The following NXPE2 variants were observed in gnomAD, a reference collection of about 807,000 sequenced individuals.
NXPE2 encodes neurexophilin and PC-esterase domain family member 2, also known as NXPE family member 2.
NXPE2 carries 34 observed loss-of-function variants against 34.4 expected under a neutral mutation model. The ratio of observed to expected loss-of-function variants is 0.99; its 90% CI spans 0.75 to 1.31. The LOEUF is 1.31. Ranked by LOEUF, NXPE2 falls within the 40% of genes most tolerant of loss-of-function variation. NXPE2 has a pLI of 0.00. For missense variants in NXPE2, 649 were observed against 672.5 expected, an observed-to-expected ratio of 0.97 and a Z score of 0.39; for synonymous variants, 235 against 231.3, an observed-to-expected ratio of 1.02 and a Z score of -0.15.
At chr11:114,641,117 G>A in the NXPE2 span, among the ~76,000 whole-genome samples, 1 of 151,976 alleles carries the variant, frequency 6.6e-6, no homozygotes, top group African/African-American at 2.4e-5. Flanking sequence ...TAGTAGTCTG[G>A]TGCACGAGTA....
intron 3 of NXPE2, among the ~76,000 whole-genome samples, chr11:114,703,695 TAGATGATAGATAGATAGATAGAC>T (rs59409575): frequency 0.055 from 1,067 of 19,362 alleles, 13 homozygotes; most frequent in African/African-American, 0.22. Flanking sequence ...GATAGATAGA[TAGATGATAGATAGATAGATAGAC>T]AGACAGACAG....
the NXPE2 span, chr11:114,522,983 A>T: frequency 1.2e-6 from 2 of 1,613,754 alleles, no homozygotes; most frequent in African/African-American, 1.3e-5. Flanking sequence ...AATTGTGTCT[A>T]ACTGAACCTG....
chr11:114,803,279 C>A, the NXPE2 span, among the ~76,000 whole-genome samples: 1 of 152,172 alleles, frequency 6.6e-6, no homozygotes, highest in Non-Finnish European at 1.5e-5. Flanking sequence ...AACTGACAAC[C>A]CGAACTTACT....
At chr11:114,635,756 C>G in the NXPE2 span, among the ~76,000 whole-genome samples, 5 of 152,002 alleles carry the variant, frequency 3.3e-5, no homozygotes, top group African/African-American at 1.2e-4. Context: ...TGTTTATATG[C>G]TGGATTACAT....
At chr11:114,781,325 C>A in the NXPE2 span, among the ~76,000 whole-genome samples, 5 of 152,122 alleles carry the variant, frequency 3.3e-5, no homozygotes, top group Non-Finnish European at 5.9e-5. Flanking sequence ...TCCCAAGGAC[C>A]CTTGGTTAAG....
the NXPE2 span, among the ~76,000 whole-genome samples, chr11:114,604,756 A>G: frequency 2.7e-5 from 4 of 147,104 alleles, no homozygotes; most frequent in African/African-American, 1.0e-4. Flanking sequence ...GTATTGCCTC[A>G]TTGGTAACCA....
At chr11:114,638,275 A>C in the NXPE2 span, among the ~76,000 whole-genome samples, 1 of 151,942 alleles carries the variant, frequency 6.6e-6, no homozygotes, top group Non-Finnish European at 1.5e-5. Flanking sequence ...AGGCTTCTGC[A>C]TTCTTCATGT....
chr11:114,542,113 A>ATCTGCTT, the NXPE2 span, among the ~76,000 whole-genome samples: 17 of 152,232 alleles, frequency 1.1e-4, no homozygotes, highest in Non-Finnish European at 2.2e-4. Context: ...TGATTATTAT[A>ATCTGCTT]TCTGCTTTGT....
At chr11:114,586,083 C>T in the NXPE2 span, among the ~76,000 whole-genome samples, 6 of 152,150 alleles carry the variant, frequency 3.9e-5, no homozygotes, top group African/African-American at 1.4e-4. Context: ...AATGTTACAC[C>T]TGGGGTGACC....
At chr11:114,699,713 A>T (rs1951329180) in intron 3 of NXPE2, among the ~76,000 whole-genome samples, 1 of 151,546 alleles carries the variant, frequency 6.6e-6, no homozygotes, top group Non-Finnish European at 1.5e-5. Flanking sequence ...TACATTATTA[A>T]TTTTCCAGTA....
chr11:114,537,070 AG>A, the NXPE2 span, among the ~76,000 whole-genome samples: 1 of 152,216 alleles, frequency 6.6e-6, no homozygotes, highest in Non-Finnish European at 1.5e-5. Context: ...CACATCAAAA[AG>A]CTTATCCACC....
chr11:114,545,322 T>A, the NXPE2 span, among the ~76,000 whole-genome samples: 1 of 152,180 alleles, frequency 6.6e-6, no homozygotes, highest in Non-Finnish European at 1.5e-5. Context: ...CAAGAGCTCT[T>A]CAGTAGGTGA....
At chr11:114,624,957 ACT>A in the NXPE2 span, among the ~76,000 whole-genome samples, 1 of 152,122 alleles carries the variant, frequency 6.6e-6, no homozygotes, top group East Asian at 1.9e-4. Context: ...GTGAGTAACC[ACT>A]GTCACCTTGT....
chr11:114,780,032 C>T, the NXPE2 span, among the ~76,000 whole-genome samples: 30 of 152,334 alleles, frequency 2.0e-4, no homozygotes, highest in African/African-American at 5.1e-4. Flanking sequence ...AAATTCATAT[C>T]ACAGACGAAA....
At chr11:114,779,598 A>G in the NXPE2 span, among the ~76,000 whole-genome samples, 1 of 152,098 alleles carries the variant, frequency 6.6e-6, no homozygotes, top group African/African-American at 2.4e-5. Flanking sequence ...TCCAAGGGAC[A>G]GTTTCTGGCT....
the NXPE2 span, among the ~76,000 whole-genome samples, chr11:114,795,347 A>G: frequency 2.0e-5 from 3 of 152,158 alleles, no homozygotes; most frequent in African/African-American, 7.2e-5. Context: ...CAGCTTCCCT[A>G]TTCCTCAACT....
the NXPE2 span, among the ~76,000 whole-genome samples, chr11:114,487,680 G>C: frequency 1.2e-4 from 19 of 152,132 alleles, no homozygotes; most frequent in Middle Eastern, 3.4e-3. Context: ...ATTGTGTTGA[G>C]GTCTGTTCCT....
the NXPE2 span, among the ~76,000 whole-genome samples, chr11:114,617,722 C>T: frequency 7.5e-3 from 1,103 of 147,880 alleles, 13 homozygotes; most frequent in Middle Eastern, 0.018. Context: ...TTACCCAATG[C>T]GTAATAAGTA....
intron 4 of NXPE2, among the ~76,000 whole-genome samples, chr11:114,705,290 A>C (rs951409649): frequency 6.6e-6 from 1 of 152,274 alleles, no homozygotes; most frequent in Non-Finnish European, 1.5e-5. Flanking sequence ...TATTAGCCAG[A>C]GAAGATGATT....
Sources: gnomAD v4.1 joint callset for allele counts (sites outside exome capture counted in the v4.1 genomes callset) on GRCh38, gnomAD v4.1.1 for gene constraint, MANE v1.5 for transcripts, NCBI Gene and HGNC (gene_info 2026-07-23, HGNC 2026-07-21) for gene names.